RASAL2: variants seen among roughly 807,000 people sequenced by gnomAD.
RASAL2 encodes ras GTPase-activating protein nGAP.
A neutral mutation model predicts 128.9 loss-of-function variants in RASAL2; 58 were observed. The observed-to-expected ratio is 0.45, with a 90% confidence interval of 0.36 to 0.56. The LOEUF (loss-of-function observed/expected upper bound fraction) is 0.56. Among genes scored for constraint, RASAL2 ranks in the 20% least tolerant of loss-of-function variants. The pLI is 0.00. For missense variants in RASAL2, 1,360 were observed against 1,601.6 expected (o/e 0.85, Z 2.57); for synonymous variants, 561 against 580.8 (o/e 0.97, Z 0.49).
intron 3 of RASAL2, among the ~76,000 whole-genome samples, chr1:178,339,581 T>C: frequency 6.6e-6 from 1 of 151,174 alleles, no homozygotes; most frequent in East Asian, 1.9e-4. Context: ...TTTTGAACTG[T>C]TGCATTAGAT....
At chr1:178,395,771 GTATA>G (rs57664965) in intron 4 of RASAL2, among the ~76,000 whole-genome samples, 24 of 132,896 alleles carry the variant, frequency 1.8e-4, no homozygotes, top group Non-Finnish European at 2.4e-4. Context: ...TTAATGAACA[GTATA>G]TATATATATA....
chr1:178,248,539 A>G (rs1443186557), intron 1 of RASAL2, among the ~76,000 whole-genome samples: 1 of 152,050 alleles, frequency 6.6e-6, no homozygotes, highest in Admixed American at 6.6e-5. Flanking sequence ...CATTTAGCCC[A>G]TTACATTTAA....
intron 1 of RASAL2, among the ~76,000 whole-genome samples, chr1:178,256,159 A>G (rs773213357): frequency 6.6e-6 from 1 of 152,220 alleles, no homozygotes; most frequent in African/African-American, 2.4e-5. Flanking sequence ...ATTATAAACT[A>G]TGACCATGTG....
At chr1:178,349,258 TAAAAAA>T (rs1163062770) in intron 3 of RASAL2, among the ~76,000 whole-genome samples, 1 of 110,812 alleles carries the variant, frequency 9.0e-6, no homozygotes, top group Non-Finnish European at 1.9e-5. Flanking sequence ...GTCTCTACTT[TAAAAAA>T]AAAAAAAAAA....
At chr1:178,342,824 G>A (rs1208429688) in intron 3 of RASAL2, among the ~76,000 whole-genome samples, 1 of 152,028 alleles carries the variant, frequency 6.6e-6, no homozygotes, top group Non-Finnish European at 1.5e-5. Context: ...CCTTATCCAA[G>A]GTCCATTTCT....
At chr1:178,355,446 G>A (rs1286216175) in intron 3 of RASAL2, among the ~76,000 whole-genome samples, 2 of 152,128 alleles carry the variant, frequency 1.3e-5, no homozygotes, top group Non-Finnish European at 2.9e-5. Context: ...TAAAGTGGAA[G>A]TGGATTATTT....
chr1:178,240,715 A>G (rs979231355), intron 1 of RASAL2, among the ~76,000 whole-genome samples: 5 of 151,766 alleles, frequency 3.3e-5, no homozygotes, highest in Admixed American at 2.0e-4. Context: ...ACTATATACT[A>G]GTTATTAAAA....
intron 1 of RASAL2, among the ~76,000 whole-genome samples, chr1:178,120,105 G>C (rs1329945424): frequency 6.6e-6 from 1 of 152,176 alleles, no homozygotes; most frequent in Non-Finnish European, 1.5e-5. Context: ...AACTCCAAAG[G>C]CTTGTGTTTT....
At chr1:178,389,231 T>A in intron 3 of RASAL2, 4 of 976,972 alleles carry the variant, frequency 4.1e-6, no homozygotes, top group Non-Finnish European at 4.9e-6. Context: ...ATGTTGAGAT[T>A]ATCTAATGTT....
At chr1:178,194,304 C>T in intron 1 of RASAL2, 2 of 222,412 alleles carry the variant, frequency 9.0e-6, no homozygotes. Context: ...AAGTATTTTA[C>T]AGCATTTACT....
At chr1:178,454,717 T>C (rs1042788142) in intron 12 of RASAL2, 69 bp downstream of exon 12, 1 of 1,321,102 alleles carries the variant, frequency 7.6e-7, no homozygotes, top group Admixed American at 1.8e-5. Flanking sequence ...TATAGAGTGA[T>C]AGCACTCACT....
intron 3 of RASAL2, among the ~76,000 whole-genome samples, chr1:178,325,099 A>T (rs1471644507): frequency 6.6e-6 from 1 of 152,172 alleles, no homozygotes; most frequent in Non-Finnish European, 1.5e-5. Context: ...TTTGATTGAT[A>T]TTTAATATAG....
rs964263332 is a variant in RASAL2, at chr1:178,307,285, A to T, written c.457+7167A>T. 2.6e-4 allele frequency among the ~76,000 whole-genome samples: 39 copies of T among 152,166 alleles called. No homozygotes were observed. The East Asian group carries it at 4.6e-3, about 18-fold the overall frequency. ...ATATACTAATTACTTTTAAAAAAAA[A>T]ATTTTTTTCCACTGAAAATGAGATG... On this transcript the variant is annotated intron_variant, in intron 3 of 17. Transcript: ENST00000367649.
chr1:178,230,277 A>G (rs1471307433), intron 1 of RASAL2, among the ~76,000 whole-genome samples: 1 of 152,162 alleles, frequency 6.6e-6, no homozygotes, highest in Non-Finnish European at 1.5e-5. Flanking sequence ...AGGTACAAGT[A>G]TATATATTTT....
chr1:178,429,929 T>C (rs1354155570), intron 5 of RASAL2, among the ~76,000 whole-genome samples: 3 of 152,092 alleles, frequency 2.0e-5, no homozygotes, highest in African/African-American at 7.2e-5. Flanking sequence ...TTCCCACATA[T>C]CATCCTAGAC....
intron 1 of RASAL2, among the ~76,000 whole-genome samples, chr1:178,237,831 T>C (rs865870350): frequency 3.3e-5 from 5 of 152,168 alleles, no homozygotes; most frequent in South Asian, 2.1e-4. Context: ...CTCCAGACTA[T>C]TTTATCTTCA....
chr1:178,254,764 G>A (rs1665242106), intron 1 of RASAL2, among the ~76,000 whole-genome samples: 1 of 152,174 alleles, frequency 6.6e-6, no homozygotes, highest in Admixed American at 6.5e-5. Flanking sequence ...CAAAGAAACA[G>A]TAGCAGAGAA....
chr1:178,407,303 T>A (rs1674059237), intron 4 of RASAL2, among the ~76,000 whole-genome samples: 2 of 152,144 alleles, frequency 1.3e-5, no homozygotes, highest in South Asian at 4.2e-4. Flanking sequence ...AACTTGAACG[T>A]TTTCAGTTAG....
At chr1:178,158,030 T>G (rs1661141794) in intron 1 of RASAL2, among the ~76,000 whole-genome samples, 1 of 152,218 alleles carries the variant, frequency 6.6e-6, no homozygotes, top group Admixed American at 6.5e-5. Context: ...TCCAGCAGAT[T>G]AGTGGCCAGT....
Sources: gnomAD v4.1 joint callset for allele counts (sites outside exome capture counted in the v4.1 genomes callset) on GRCh38, gnomAD v4.1.1 for gene constraint, MANE v1.5 for transcripts, NCBI Gene and HGNC (gene_info 2026-07-23, HGNC 2026-07-21) for gene names.